Variants in MEMO1 observed in about 807,000 individuals in gnomAD.
MEMO1 encodes mediator of cell motility 1, also known as protein MEMO1.
In MEMO1, 6 loss-of-function variants were observed where a neutral mutation model predicts 45.2. The observed-to-expected ratio is 0.13, with a 90% CI of 0.07 to 0.26. The LOEUF (loss-of-function observed/expected upper bound fraction) is 0.26, where lower values mean the gene tolerates loss of function less well. Among genes scored for constraint, MEMO1 ranks in the 10% least tolerant of loss-of-function variants. MEMO1 has a pLI of 1.00. For synonymous variants in MEMO1, 78 were observed against 124.3 expected, an observed-to-expected ratio of 0.63 and a Z score of 2.48; for missense variants, 184 against 370.5, an observed-to-expected ratio of 0.50 and a Z score of 4.13.
intron 2 of MEMO1, among the ~76,000 whole-genome samples, chr2:32,000,363 T>C (rs1230089382): frequency 1.3e-5 from 2 of 152,098 alleles, no homozygotes; most frequent in Non-Finnish European, 2.9e-5. Flanking sequence ...CCCAAGTAGC[T>C]GGGACTACAG....
At chr2:31,895,354 A>G (rs6708897) in intron 6 of MEMO1, among the ~76,000 whole-genome samples, 146,394 of 152,294 alleles carry the variant, frequency 0.96, 70,480 homozygotes, top group Middle Eastern at 1. Context: ...TTATATATTC[A>G]AAGAACTACA....
At chr2:31,992,798 A>T (rs1672111590) in intron 2 of MEMO1, among the ~76,000 whole-genome samples, 1 of 152,226 alleles carries the variant, frequency 6.6e-6, no homozygotes, top group Non-Finnish European at 1.5e-5. Flanking sequence ...TTAAAAAAAA[A>T]ATGAATTAAT....
intron 2 of MEMO1, among the ~76,000 whole-genome samples, chr2:32,005,351 A>G (rs976111428): frequency 1.3e-5 from 2 of 150,826 alleles, no homozygotes; most frequent in African/African-American, 4.9e-5. Context: ...CTCAAAGAAT[A>G]CATACTATAT....
intron 2 of MEMO1, among the ~76,000 whole-genome samples, chr2:31,994,643 T>A (rs1006260008): frequency 3.4e-4 from 51 of 150,740 alleles, no homozygotes; most frequent in South Asian, 6.3e-4. Flanking sequence ...AAAAAAATAA[T>A]AATAATAATA....
chr2:31,928,271 A>G (rs949120481), intron 4 of MEMO1, among the ~76,000 whole-genome samples: 7 of 152,238 alleles, frequency 4.6e-5, no homozygotes, highest in African/African-American at 1.7e-4. Flanking sequence ...GGCCAGGAAC[A>G]GCGGCTCATG....
chr2:31,926,733 C>G (rs911504012), intron 4 of MEMO1, among the ~76,000 whole-genome samples: 3 of 151,676 alleles, frequency 2.0e-5, no homozygotes, highest in African/African-American at 7.3e-5. Flanking sequence ...TGTAATCCTA[C>G]CTACTCGGGA....
At chr2:31,940,006 C>T (rs917099770) in intron 3 of MEMO1, among the ~76,000 whole-genome samples, 1 of 152,182 alleles carries the variant, frequency 6.6e-6, no homozygotes, top group Non-Finnish European at 1.5e-5. Flanking sequence ...AATCCTCAGT[C>T]CTCACTGGCA....
intron 2 of MEMO1, among the ~76,000 whole-genome samples, chr2:31,946,411 A>T (rs1666204107): frequency 6.6e-6 from 1 of 152,202 alleles, no homozygotes; most frequent in African/African-American, 2.4e-5. Context: ...CTCAGTGATT[A>T]AACAATGGTG....
intron 8 of MEMO1, among the ~76,000 whole-genome samples, chr2:31,874,099 G>A (rs1417543048): frequency 6.6e-6 from 1 of 152,088 alleles, no homozygotes; most frequent in Non-Finnish European, 1.5e-5. Context: ...TATAACAGAT[G>A]AATACAATGA....
At chr2:31,910,124 A>G (rs919645220) in intron 6 of MEMO1, among the ~76,000 whole-genome samples, 1 of 152,130 alleles carries the variant, frequency 6.6e-6, no homozygotes, top group East Asian at 1.9e-4. Context: ...GCGAAAGAAA[A>G]AAACCCACTA....
chr2:31,894,229 T>C (rs1677383007), intron 6 of MEMO1, among the ~76,000 whole-genome samples: 1 of 152,124 alleles, frequency 6.6e-6, no homozygotes, highest in Non-Finnish European at 1.5e-5. Context: ...ACAGAACTTC[T>C]TGGTAACAAC....
intron 2 of MEMO1, among the ~76,000 whole-genome samples, chr2:31,962,603 T>TA (rs1668135203): frequency 6.6e-6 from 1 of 152,174 alleles, no homozygotes; most frequent in Non-Finnish European, 1.5e-5. Flanking sequence ...AAGTATAAGA[T>TA]AATGTAATCA....
intron 5 of MEMO1, among the ~76,000 whole-genome samples, chr2:31,919,260 T>C (rs1189099321): frequency 1.3e-5 from 2 of 152,000 alleles, no homozygotes; most frequent in Non-Finnish European, 2.9e-5. Flanking sequence ...GCCATCCTCC[T>C]ACCTCGCTGC....
At chr2:31,928,994 CTT>C (rs1325338055) in intron 4 of MEMO1, among the ~76,000 whole-genome samples, 1 of 152,058 alleles carries the variant, frequency 6.6e-6, no homozygotes, top group Non-Finnish European at 1.5e-5. Flanking sequence ...TTTTATGACT[CTT>C]AATATATATT....
intron 2 of MEMO1, among the ~76,000 whole-genome samples, chr2:31,952,651 A>C (rs1317867443): frequency 6.6e-6 from 1 of 152,188 alleles, no homozygotes; most frequent in Non-Finnish European, 1.5e-5. Context: ...TACTTTGATA[A>C]TATCTGATTA....
At chr2:31,987,241 C>T (rs1268958009) in intron 2 of MEMO1, among the ~76,000 whole-genome samples, 1 of 152,136 alleles carries the variant, frequency 6.6e-6, no homozygotes, top group Non-Finnish European at 1.5e-5. Flanking sequence ...GGCCTCAATC[C>T]TCCCACCTCA....
At chr2:31,929,255 T>C (rs1401193911) in intron 4 of MEMO1, among the ~76,000 whole-genome samples, 2 of 152,190 alleles carry the variant, frequency 1.3e-5, no homozygotes, top group East Asian at 3.8e-4. Flanking sequence ...CAGTTAATAT[T>C]CTTTGATGAT....
At chr2:31,996,979 C>T (rs1220745463) in intron 2 of MEMO1, among the ~76,000 whole-genome samples, 4 of 152,158 alleles carry the variant, frequency 2.6e-5, no homozygotes, top group African/African-American at 7.2e-5. Context: ...TCTTGTAATG[C>T]ACCACAAGTC....
chr2:32,007,437 G>A (rs1404430243), intron 2 of MEMO1, among the ~76,000 whole-genome samples: 1 of 152,086 alleles, frequency 6.6e-6, no homozygotes, highest in Non-Finnish European at 1.5e-5. Flanking sequence ...AATTCCTTGA[G>A]GGCAAGAAAA....
Sources: gnomAD v4.1 joint callset for allele counts (sites outside exome capture counted in the v4.1 genomes callset) on GRCh38, gnomAD v4.1.1 for gene constraint, MANE v1.5 for transcripts, NCBI Gene and HGNC (gene_info 2026-07-23, HGNC 2026-07-21) for gene names.